Variants in NRG1 observed in about 807,000 individuals in gnomAD.
NRG1 encodes neuregulin 1.
In NRG1, 18 loss-of-function variants were observed where a neutral mutation model predicts 63.8. The ratio of observed to expected loss-of-function variants is 0.28; its 90% CI spans 0.19 to 0.42. The LOEUF is 0.42. NRG1 is among the 10% of genes least tolerant of loss of function. NRG1 has a pLI of 1.00. For synonymous variants in NRG1, 302 were observed against 301.3 expected, an observed-to-expected ratio of 1.00 and a Z score of -0.02; for missense variants, 762 against 814.7, an observed-to-expected ratio of 0.94 and a Z score of 0.79.
intron 1 of NRG1, among the ~76,000 whole-genome samples, chr8:31,652,202 C>T (rs1804920003): frequency 6.6e-6 from 1 of 152,178 alleles, no homozygotes; most frequent in South Asian, 2.1e-4. Context: ...CTCTCCTGCT[C>T]CATACCAGAT....
chr8:32,445,345 C>T (rs567434623), intron 1 of NRG1, among the ~76,000 whole-genome samples: 17 of 152,192 alleles, frequency 1.1e-4, no homozygotes, highest in African/African-American at 3.9e-4. Context: ...GTTGAATCCA[C>T]GGATGCAGAA....
At chr8:32,313,541 A>G (rs1857053192) in intron 1 of NRG1, among the ~76,000 whole-genome samples, 1 of 152,232 alleles carries the variant, frequency 6.6e-6, no homozygotes, top group South Asian at 2.1e-4. Flanking sequence ...CTCAGTAACA[A>G]CACTGAAGTA....
intron 1 of NRG1, among the ~76,000 whole-genome samples, chr8:32,217,987 T>C (rs1178022312): frequency 6.6e-6 from 1 of 152,208 alleles, no homozygotes; most frequent in East Asian, 1.9e-4. Flanking sequence ...TTACAACCTG[T>C]GAGTGTTGAA....
chr8:32,366,703 AT>A (rs1563367116), intron 1 of NRG1, among the ~76,000 whole-genome samples: 12 of 56,440 alleles, frequency 2.1e-4, no homozygotes, highest in African/African-American at 6.3e-4. Context: ...ATATATATAT[AT>A]ATATATATAT....
intron 1 of NRG1, among the ~76,000 whole-genome samples, chr8:31,998,452 A>G (rs1812385701): frequency 1.3e-5 from 2 of 152,022 alleles, no homozygotes; most frequent in Non-Finnish European, 2.9e-5. Context: ...TTTCTTTACT[A>G]TGGAGAAATC....
chr8:32,095,364 C>G (rs1194738016), intron 1 of NRG1, among the ~76,000 whole-genome samples: 1 of 152,162 alleles, frequency 6.6e-6, no homozygotes, highest in Non-Finnish European at 1.5e-5. Flanking sequence ...TCCTCTGAAT[C>G]TATGCCTGTG....
intron 1 of NRG1, among the ~76,000 whole-genome samples, chr8:32,182,931 T>G (rs1362452933): frequency 6.6e-6 from 1 of 152,186 alleles, no homozygotes; most frequent in Admixed American, 6.5e-5. Context: ...TCCGTAAAAT[T>G]TATTTCTATC....
chr8:32,329,482 A>G (rs919402748), intron 1 of NRG1, among the ~76,000 whole-genome samples: 3 of 152,210 alleles, frequency 2.0e-5, no homozygotes, highest in Non-Finnish European at 2.9e-5. Flanking sequence ...TGATGAAACT[A>G]TAACACTCAA....
rs1013363844 is a variant in NRG1 at position 32,493,610 on chromosome 8, G to A, written c.38-102218G>A. On this transcript the variant is annotated intron_variant, in intron 1 of 10. Coordinates refer to the NRG1 transcript ENST00000519301. The stretch of plus-strand genomic sequence containing the variant: ...TCATTTGAAATGGCAGCATTTCCCC[G>A]TGCTAATTGTCATCCTTCAGCTAAT... Among the ~76,000 whole-genome samples, 116 of 152,134 alleles carry A rather than the reference G, an allele frequency of 7.6e-4. 2 individuals carry two copies. The highest frequency in any genetic ancestry group is 4.1e-4 in the Non-Finnish European group (28 of 68,014).
At chr8:31,677,524 T>G (rs917148615) in intron 1 of NRG1, among the ~76,000 whole-genome samples, 3 of 152,118 alleles carry the variant, frequency 2.0e-5, no homozygotes, top group African/African-American at 7.2e-5. Context: ...GAGGATCACT[T>G]GAGTCTGGGA....
intron 1 of NRG1, among the ~76,000 whole-genome samples, chr8:32,024,941 T>A (rs1478245397): frequency 6.6e-6 from 1 of 152,180 alleles, no homozygotes; most frequent in Non-Finnish European, 1.5e-5. Context: ...AAAAGATATA[T>A]CTGTATCTAT....
rs61713691 is a variant in NRG1, at chr8:31,947,306, C to CAAA, written c.37+307899_37+307901dup. Among the ~76,000 whole-genome samples the CAAA allele has an allele frequency of 2.5e-3, 338 of 132,608 alleles. 8 individuals are homozygous for CAAA. The highest frequency in any genetic ancestry group is 0.01 in the African/African-American group (322 of 31,058). 87.0% of individuals were successfully genotyped at this position (132,608 alleles called of 152,430 possible). ...TGGGCGACAGAGTGAGACTCCGTCT[C>CAAA]AAAAAAAAAAAAAAAAAAAAAAAAA... On this transcript the variant is annotated intron_variant, in intron 1 of 10. Transcript: ENST00000519301.
intron 1 of NRG1, among the ~76,000 whole-genome samples, chr8:32,576,757 C>A (rs1839710572): frequency 6.6e-6 from 1 of 151,520 alleles, no homozygotes; most frequent in Non-Finnish European, 1.5e-5. Flanking sequence ...CTATATTTTT[C>A]TCTTTTTAAA....
chr8:31,905,889 A>T (rs1026748078), intron 1 of NRG1, among the ~76,000 whole-genome samples: 1 of 152,204 alleles, frequency 6.6e-6, no homozygotes, highest in Admixed American at 6.5e-5. Flanking sequence ...ATCTTGGAAA[A>T]TTTGCAGAGA....
intron 1 of NRG1, among the ~76,000 whole-genome samples, chr8:31,805,696 C>T (rs530094912): frequency 6.6e-6 from 1 of 151,764 alleles, no homozygotes; most frequent in Admixed American, 6.6e-5. Flanking sequence ...GGTGTGGTGG[C>T]GGGTGCCTGT....
chr8:32,235,370 C>T (rs543851097), intron 1 of NRG1, among the ~76,000 whole-genome samples: 4 of 152,052 alleles, frequency 2.6e-5, no homozygotes, highest in African/African-American at 7.2e-5. Context: ...TGCACTCTAC[C>T]CTAGGGTGCA....
intron 1 of NRG1, among the ~76,000 whole-genome samples, chr8:32,254,848 G>C (rs761801992): frequency 9.2e-5 from 14 of 152,066 alleles, no homozygotes; most frequent in Non-Finnish European, 1.8e-4. Context: ...TATGAATCTG[G>C]GTGCTCCTCA....
chr8:32,557,678 C>T (rs1180833748), intron 1 of NRG1, among the ~76,000 whole-genome samples: 1 of 152,072 alleles, frequency 6.6e-6, no homozygotes, highest in African/African-American at 2.4e-5. Context: ...GTGAGGTCAC[C>T]TTGCTGTAGA....
In NRG1 at chr8:32,742,640, T is replaced by C. The variant is rs1307466394; in HGVS notation, c.633-35T>C. 1.3e-6 allele frequency: 2 copies of C among 1,593,714 alleles called. No homozygotes were observed. Among genetic ancestry groups the C allele is most frequent in the South Asian group, 1.1e-5 (1 of 90,658 alleles). ...TATTCACCTCTTCTCTTTTTCTCTGTTTTTCTACCATTGTTTTTTTGTTTC... is the reference window on the plus strand; with the variant it reads ...TATTCACCTCTTCTCTTTTTCTCTGCTTTTCTACCATTGTTTTTTTGTTTC... On this transcript the variant is annotated intron_variant, in intron 6 of 11. Coordinates refer to ENST00000356819, the Ensembl canonical transcript of NRG1. The surrounding 1 kb of genome is among the most constrained non-coding windows in gnomAD (Gnocchi z 4.2).
Sources: allele counts gnomAD v4.1 joint callset (sites outside exome capture counted in the v4.1 genomes callset), GRCh38; gene constraint gnomAD v4.1.1; non-coding constraint Gnocchi (gnomAD v3.1); transcripts MANE v1.5; gene names NCBI Gene and HGNC (gene_info 2026-07-23, HGNC 2026-07-21).